The following COQ2 variants were observed in gnomAD, a reference collection of about 807,000 sequenced individuals.
COQ2 encodes the protein 4-hydroxybenzoate polyprenyltransferase, mitochondrial.
In COQ2, 25 loss-of-function variants were observed where a neutral mutation model predicts 35.7. The ratio of observed to expected loss-of-function variants is 0.70; its 90% CI spans 0.51 to 0.98. The LOEUF (loss-of-function observed/expected upper bound fraction) is 0.98. Among genes scored for constraint, COQ2 ranks in the 50% least tolerant of loss-of-function variants. COQ2 has a pLI of 0.00. For synonymous variants in COQ2, 206 were observed against 186.2 expected, an observed-to-expected ratio of 1.11 and a Z score of -0.86; for missense variants, 488 against 473.5, an observed-to-expected ratio of 1.03 and a Z score of -0.28.
intron 6 of COQ2, among the ~76,000 whole-genome samples, chr4:83,265,666 T>C (rs947859421): frequency 2.0e-5 from 3 of 152,128 alleles, no homozygotes; most frequent in Non-Finnish European, 2.9e-5. Context: ...TATTTCTTTT[T>C]TCTTCCTTTG....
chr4:83,274,795 A>C (rs750989236), intron 2 of COQ2, among the ~76,000 whole-genome samples: 1 of 152,088 alleles, frequency 6.6e-6, no homozygotes, highest in South Asian at 2.1e-4. Context: ...CTGTTTTTCC[A>C]AGACTCATGA....
intron 4 of COQ2, 40 bp downstream of exon 4, chr4:83,272,047 C>G (rs1735059659): frequency 2.3e-6 from 3 of 1,319,794 alleles, no homozygotes; most frequent in Non-Finnish European, 2.1e-6. Context: ...GTGTAGTTTG[C>G]AAATATCAAA....
At chr4:83,272,223 A>G (rs1735066751) in intron 3 of COQ2, 51 bp from the exon 4 acceptor site, 8 of 1,049,660 alleles carry the variant, frequency 7.6e-6, no homozygotes, top group Middle Eastern at 2.0e-4. Flanking sequence ...CCTCTTAGAA[A>G]CCACGAAATA....
intron 2 of COQ2, among the ~76,000 whole-genome samples, chr4:83,273,994 A>G (rs991832948): frequency 1.3e-5 from 2 of 150,650 alleles, no homozygotes; most frequent in Non-Finnish European, 3.0e-5. Context: ...AAAAAAAAAA[A>G]AAAAAAAAAA....
intron 6 of COQ2, chr4:83,267,114 C>T: frequency 2.2e-6 from 1 of 452,634 alleles, no homozygotes; most frequent in South Asian, 1.6e-5. Context: ...GTAGCTCACA[C>T]TGGTAATCCC....
chr4:83,284,474 C>G (rs1355710693), intron 1 of COQ2, 38 bp downstream of exon 1: 1 of 1,533,950 alleles, frequency 6.5e-7, no homozygotes, highest in African/African-American at 1.4e-5. Flanking sequence ...GAGGCTGCTA[C>G]TTGCAAATTC....
chr4:83,265,823 C>A (rs1423967386), intron 6 of COQ2, among the ~76,000 whole-genome samples: 7 of 152,026 alleles, frequency 4.6e-5, no homozygotes, highest in Middle Eastern at 3.4e-3. Context: ...CACCACCATG[C>A]CCAGCTAATT....
At chr4:83,280,603 A>G (rs1264287175) in intron 1 of COQ2, among the ~76,000 whole-genome samples, 1 of 152,240 alleles carries the variant, frequency 6.6e-6, no homozygotes, top group Non-Finnish European at 1.5e-5. Context: ...AATAACAATA[A>G]AAGATCAATC....
At position 83,284,629 on chromosome 4, in the gene COQ2, G is replaced by A. The variant is rs767013819; in HGVS notation, c.136C>T (p.Pro46Ser). The change falls in exon 1 of 7, where the codon CCC becomes TCC. Residue 46 changes from proline to serine, a missense_variant. Pro to Ser is a moderately conservative substitution (Grantham distance 74, BLOSUM62 -1). Coordinates refer to ENST00000647002, the MANE Select transcript of COQ2 (RefSeq NM_001358921.2). The part of the protein sequence containing the change: ...GAPHGGDLQP[P>S]ACPEPRGRQL... ...CGCCCGCGCGGCTCGGGACAGGCGG[G>A]GGGCTGCAAGTCACCACCGTGGGGC... 604 of 1,512,102 alleles carry A rather than the reference G, an allele frequency of 4.0e-4. No individual in the cohort carries two copies. The highest frequency in any genetic ancestry group is 5.0e-4 in the Non-Finnish European group (571 of 1,132,040). The allele number at this position is 1,512,102 out of a possible 1,614,324, so 93.7% of individuals were successfully genotyped here.
At chr4:83,271,272 C>T (rs1207526304) in intron 4 of COQ2, among the ~76,000 whole-genome samples, 2 of 152,184 alleles carry the variant, frequency 1.3e-5, no homozygotes, top group South Asian at 2.1e-4. Flanking sequence ...AGGCTCTCAA[C>T]GTATTCTTGG....
At chr4:83,268,567 G>A (rs1206262136) in intron 5 of COQ2, among the ~76,000 whole-genome samples, 1 of 152,148 alleles carries the variant, frequency 6.6e-6, no homozygotes, top group African/African-American at 2.4e-5. Flanking sequence ...CACCTTCAGG[G>A]TGCAAACTGT....
chr4:83,265,441 G>A (rs190957330), intron 6 of COQ2, among the ~76,000 whole-genome samples: 9 of 152,144 alleles, frequency 5.9e-5, no homozygotes, highest in East Asian at 3.9e-4. Flanking sequence ...GCATGATGGC[G>A]TGTGCCTGTG....
intron 5 of COQ2, 50 bp from the exon 6 acceptor site, chr4:83,267,824 C>A: frequency 7.1e-7 from 1 of 1,417,904 alleles, no homozygotes; most frequent in Non-Finnish European, 9.5e-7. Context: ...AGTTCACACA[C>A]CATAAAATTC....
At chr4:83,266,152 T>A (rs1167457242) in intron 6 of COQ2, among the ~76,000 whole-genome samples, 1 of 152,122 alleles carries the variant, frequency 6.6e-6, no homozygotes, top group Non-Finnish European at 1.5e-5. Context: ...GGAAAAATGG[T>A]GACATCCTGG....
chr4:83,282,344 T>C (rs1735344584), intron 1 of COQ2, among the ~76,000 whole-genome samples: 1 of 152,102 alleles, frequency 6.6e-6, no homozygotes, highest in Non-Finnish European at 1.5e-5. Flanking sequence ...AAGATATAAC[T>C]TCAACAAAGT....
At chr4:83,267,424 A>C (rs1456408735) in intron 6 of COQ2, among the ~76,000 whole-genome samples, 162 bp downstream of exon 6, 1 of 152,184 alleles carries the variant, frequency 6.6e-6, no homozygotes, top group African/African-American at 2.4e-5. Flanking sequence ...TAGCTTTCTT[A>C]TAAGTTGAGG....
intron 3 of COQ2, 134 bp from the exon 4 acceptor site, chr4:83,272,306 T>C (rs534618025): frequency 5.9e-6 from 3 of 504,712 alleles, no homozygotes; most frequent in Non-Finnish European, 1.0e-5. Flanking sequence ...ATGTAAGTTA[T>C]CTTCCTAGCC....
intron 2 of COQ2, among the ~76,000 whole-genome samples, chr4:83,278,687 C>T (rs1410222332): frequency 6.6e-6 from 1 of 152,228 alleles, no homozygotes; most frequent in African/African-American, 2.4e-5. Flanking sequence ...CTCCCTCACC[C>T]TCAGTCTTCC....
At position 83,284,499 on chromosome 4, in the gene COQ2, C is replaced by A; in HGVS notation, c.253+13G>T. 1 of 1,559,642 alleles carries A rather than the reference C, an allele frequency of 6.4e-7. No homozygotes were observed. The highest frequency in any genetic ancestry group is 1.2e-5 in the South Asian group (1 of 84,816). On this transcript the variant is annotated intron_variant, in intron 1 of 6. Coordinates refer to ENST00000647002, the MANE Select transcript of COQ2 (RefSeq NM_001358921.2). ...CTTGCAAATTCCCGGGCTGCCCGCC[C>A]GCCCGCACTCACCAATGGGCTTGTC...
Sources: allele counts gnomAD v4.1 joint callset (sites outside exome capture counted in the v4.1 genomes callset), GRCh38; gene constraint gnomAD v4.1.1; transcripts MANE v1.5; gene names NCBI Gene and HGNC (gene_info 2026-07-23, HGNC 2026-07-21).